Variants in SPG11 observed in about 807,000 individuals in gnomAD.
SPG11 encodes SPG11 vesicle trafficking associated, spatacsin, also known as spatacsin.
SPG11 carries 222 observed loss-of-function variants against 274.0 expected under a neutral mutation model. The ratio of observed to expected loss-of-function variants is 0.81; its 90% CI spans 0.73 to 0.91. SPG11 has a LOEUF of 0.91. SPG11 is among the 40% of genes least tolerant of loss of function. SPG11 has a pLI of 0.00. For missense variants in SPG11, 3,114 were observed against 2,872.7 expected (o/e 1.08, Z -1.92); for synonymous variants, 1,144 against 1,039.7 (o/e 1.10, Z -1.93).
intron 33 of SPG11, among the ~76,000 whole-genome samples, chr15:44,571,004 G>A (rs1169870949): frequency 6.6e-6 from 1 of 152,122 alleles, no homozygotes; most frequent in Non-Finnish European, 1.5e-5. Flanking sequence ...GAATCCAAGG[G>A]CATTCTCTGC....
At chr15:44,594,894 G>A (rs992229284) in intron 26 of SPG11, among the ~76,000 whole-genome samples, 2 of 152,230 alleles carry the variant, frequency 1.3e-5, no homozygotes, top group Non-Finnish European at 1.5e-5. Flanking sequence ...TCGGCTCACT[G>A]CAACCTCCAC....
intron 21 of SPG11, 55 bp downstream of exon 21, chr15:44,600,412 G>C: frequency 1.9e-6 from 3 of 1,587,514 alleles, no homozygotes; most frequent in Non-Finnish European, 2.6e-6. Context: ...CCAAAGTGCT[G>C]GGATTACAGG....
intron 4 of SPG11, among the ~76,000 whole-genome samples, chr15:44,656,699 C>T (rs1274977656): frequency 3.3e-5 from 5 of 152,104 alleles, no homozygotes; most frequent in African/African-American, 7.2e-5. Context: ...AAGAAAAAGT[C>T]ATTGACAATG....
At position 44,564,696 on chromosome 15, in the gene SPG11, A is replaced by G. The variant is rs1555446158; in HGVS notation, c.7002T>C (p.Ala2334=). 1.2e-6 allele frequency: 2 copies of G among 1,614,194 alleles called. No individual in the cohort carries two copies. The highest frequency in any genetic ancestry group is 1.7e-6 in the Non-Finnish European group (2 of 1,180,028). Residue 2334 remains alanine, a splice_region_variant and synonymous_variant, in exon 39 of 40, where the codon GCT becomes GCC. Transcript: ENST00000261866. ...AATCGTAGGCCTCAGCCACAATAGAAGCCTTAAAAGGAGAGGTGAAGAAGG... is the reference window on the plus strand; with the variant it reads ...AATCGTAGGCCTCAGCCACAATAGAGGCCTTAAAAGGAGAGGTGAAGAAGG... ...CILALPRFYQ[A]SIVAEAYDFV... is the part of the protein sequence containing the mutation.
chr15:44,627,756 A>T (rs1039082221), intron 10 of SPG11, among the ~76,000 whole-genome samples: 8 of 151,878 alleles, frequency 5.3e-5, no homozygotes, highest in Non-Finnish European at 1.2e-4. Flanking sequence ...CACCTGGCTA[A>T]TTTTTTTGTA....
chr15:44,642,202 C>T (rs979711570), intron 7 of SPG11, among the ~76,000 whole-genome samples: 5 of 150,778 alleles, frequency 3.3e-5, no homozygotes, highest in Middle Eastern at 3.4e-3. Context: ...CCCATCTCTA[C>T]TAAAATACAA....
At chr15:44,634,477 T>A (rs1230718555) in intron 7 of SPG11, among the ~76,000 whole-genome samples, 2 of 151,546 alleles carry the variant, frequency 1.3e-5, no homozygotes, top group African/African-American at 2.4e-5. Flanking sequence ...ATAGACGGGT[T>A]TCACTGCGTT....
intron 11 of SPG11, among the ~76,000 whole-genome samples, chr15:44,624,721 G>A (rs762755828): frequency 6.6e-6 from 1 of 152,134 alleles, no homozygotes. Context: ...ATATTAATTA[G>A]CTTACTTGTG....
Position 44,651,698 on chromosome 15 carries a change from G to C in SPG11, c.1249C>G (p.His417Asp). The change falls in exon 6 of 40, where the codon CAC becomes GAC. Residue 417 changes from histidine (H) to aspartate (D), a missense_variant. Coordinates refer to ENST00000261866, the MANE Select transcript of SPG11 (RefSeq NM_025137.4). ...SDPGRSWKIM[H>D]ISEQEEPIEL... is the part of the protein sequence containing the mutation. ...ATGGGTTCCTCTTGTTCACTGATGT[G>C]CATTATTTTCCATGATCTTCCTGGA... 1 of 1,614,048 alleles carries C rather than the reference G, an allele frequency of 6.2e-7. No individual in the cohort carries two copies. The highest frequency in any genetic ancestry group is 2.2e-5 in the East Asian group (1 of 44,900).
At chr15:44,567,382 C>A in intron 36 of SPG11, 42 bp downstream of exon 36, 1 of 1,566,260 alleles carries the variant, frequency 6.4e-7, no homozygotes, top group Non-Finnish European at 8.8e-7. Context: ...TTTTACCTAG[C>A]TAGCAGCACT....
In SPG11 at chr15:44,629,464, T is replaced by C. The variant is rs1242214439; in HGVS notation, c.1736-76A>G. On this transcript the variant is annotated intron_variant, in intron 8 of 39. Coordinates refer to ENST00000261866, the MANE Select transcript of SPG11 (RefSeq NM_025137.4). ...TAAAATTAACATATCAAAAATATCA[T>C]GTTACAATATTTTTAAACATAAAAC... The C allele has an allele frequency of 8.2e-6, 12 of 1,456,054 alleles. No individual in the cohort carries two copies. In the Admixed American group the frequency reaches 9.1e-5, roughly 11 times the overall value. The allele number at this position is 1,456,054 out of a possible 1,614,324, so 90.2% of individuals were successfully genotyped here.
chr15:44,564,546 C>A lies in SPG11; in HGVS notation c.7151+1G>T. 1 of 1,613,668 alleles carries A rather than the reference C, an allele frequency of 6.2e-7. No homozygotes were observed. The highest frequency in any genetic ancestry group is 1.7e-5 in the Admixed American group (1 of 60,018). On this transcript the variant is annotated splice_donor_variant, in intron 39 of 39. Coordinates refer to ENST00000261866, the MANE Select transcript of SPG11 (RefSeq NM_025137.4). LOFTEE classifies it high-confidence loss of function. ...GTTTACAGTCAACTTTTAATACTTA[C>A]TTTTTGGAAATCTCTTCAAATATAC...
In SPG11 at chr15:44,600,558, A is replaced by C. The variant is rs774716138; in HGVS notation, c.3595T>G (p.Phe1199Val). 123 of 1,614,164 alleles carry C rather than the reference A, an allele frequency of 7.6e-5. 2 individuals are homozygous for C. In the South Asian group the frequency reaches 1.3e-3, roughly 17 times the overall value. Residue 1199 changes from phenylalanine (F) to valine (V), a missense_variant, in exon 21 of 40, where the codon TTT becomes GTT. Transcript: ENST00000261866. ...CGCCCATTATGTAAATAATAAGCAA[A>C]ATTCAGACGTTCCACTATAGCATAT... ...NKYAIVERLN[F>V]AYYLHNGRPS...
At chr15:44,604,188 G>A (rs541236673) in intron 20 of SPG11, 2 of 419,090 alleles carry the variant, frequency 4.8e-6, no homozygotes, top group African/African-American at 4.3e-5. Flanking sequence ...TTCACATTGT[G>A]ACCTGATTCC....
rs755851548 is a variant in SPG11, at chr15:44,651,976, C to T, written c.1008-37G>A. The T allele has an allele frequency of 2.5e-6, 4 of 1,589,686 alleles. No homozygotes were observed. In the African/African-American group the frequency reaches 5.4e-5, roughly 22 times the overall value. ...GTAAAATATAACTTAACACCTGTCA[C>T]AGTAAAAGGCACTATGTAAAACACT... On this transcript the variant is annotated intron_variant, in intron 5 of 39. Coordinates refer to ENST00000261866, the MANE Select transcript of SPG11 (RefSeq NM_025137.4).
In SPG11 at chr15:44,573,539, T is replaced by C. The variant is rs763990388; in HGVS notation, c.6205+8A>G. 1.9e-6 allele frequency: 3 copies of C among 1,613,792 alleles called. No homozygotes were observed. Among genetic ancestry groups the C allele is most frequent in the African/African-American group, 2.7e-5 (2 of 74,832 alleles). The stretch of plus-strand genomic sequence containing the variant: ...AGAGAGGTTGGGAATCCCCGGGGGG[T>C]AGGGCACCTGTTCCCTGTGATGAAG... On this transcript the variant is annotated splice_region_variant and intron_variant, in intron 32 of 39. Transcript: ENST00000261866.
chr15:44,629,930 G>A (rs2084009955), intron 8 of SPG11, among the ~76,000 whole-genome samples: 1 of 152,226 alleles, frequency 6.6e-6, no homozygotes, highest in Admixed American at 6.5e-5. Context: ...AATTAGCCAG[G>A]CGTGCTGGCA....
intron 8 of SPG11, 63 bp downstream of exon 8, chr15:44,633,442 C>A: frequency 8.0e-7 from 1 of 1,243,956 alleles, no homozygotes; most frequent in Non-Finnish European, 1.1e-6. Flanking sequence ...CAACATCATA[C>A]TTTGAAAGTT....
chr15:44,599,532 T>C (rs1595864861), intron 21 of SPG11, among the ~76,000 whole-genome samples: 1 of 152,208 alleles, frequency 6.6e-6, no homozygotes, highest in Non-Finnish European at 1.5e-5. Context: ...ACTCCTGAGG[T>C]TGTGATCCGC....
Sources: gnomAD v4.1 joint callset for allele counts (sites outside exome capture counted in the v4.1 genomes callset) on GRCh38, gnomAD v4.1.1 for gene constraint, MANE v1.5 for transcripts, NCBI Gene and HGNC (gene_info 2026-07-23, HGNC 2026-07-21) for gene names.